The following POLN variants were observed in gnomAD, a reference collection of about 807,000 sequenced individuals.
The protein encoded by POLN is DNA polymerase nu, also known as DNA polymerase N.
In POLN, 108 loss-of-function variants were observed where a neutral mutation model predicts 113.5. The ratio of observed to expected loss-of-function variants is 0.95; its 90% CI spans 0.81 to 1.12. The LOEUF is 1.12. POLN is among the 50% of genes most tolerant of loss of function. The pLI, the probability that POLN is intolerant of heterozygous loss-of-function variation, is 0.00. For synonymous variants in POLN, 386 were observed against 391.5 expected, an observed-to-expected ratio of 0.99 and a Z score of 0.17; for missense variants, 1,097 against 1,077.1, an observed-to-expected ratio of 1.02 and a Z score of -0.26.
At chr4:2,163,027 C>CAAAAAAAAAAA (rs66769262) in intron 13 of POLN, among the ~76,000 whole-genome samples, 6 of 66,556 alleles carry the variant, frequency 9.0e-5, no homozygotes, top group African/African-American at 2.8e-4. Context: ...CAGTTCCTAC[C>CAAAAAAAAAAA]AAAAAAAAAA....
chr4:2,238,220 C>G (rs961162634), intron 2 of POLN, among the ~76,000 whole-genome samples: 1 of 152,104 alleles, frequency 6.6e-6, no homozygotes, highest in Non-Finnish European at 1.5e-5. Context: ...GTCTTCTCCC[C>G]TCTCTACTGC....
rs765729200 is a variant in POLN, at chr4:2,176,298, T to C, written c.1216A>G (p.Arg406Gly). The change falls in exon 9 of 26, where the codon AGA becomes GGA. Residue 406 changes from arginine to glycine, a missense_variant. By Grantham distance (125) the Arg-to-Gly change is moderately radical. Transcript: ENST00000511885. The part of the protein sequence containing the change: ...NVRENLKTLY[R>G]LTMDLCSKLK... ...TTAGAGCAAAGGTCCATTGTAAGTC[T>C]GTAGAGTGTCTTCAGGTTCTCACGT... 1.2e-6 allele frequency: 2 copies of C among 1,602,074 alleles called. No individual in the cohort carries two copies. Among genetic ancestry groups the C allele is most frequent in the Non-Finnish European group, 1.7e-6 (2 of 1,175,886 alleles).
Position 2,176,338 on chromosome 4 carries a change from TA to T in POLN, c.1180-5del. 1 of 1,584,946 alleles carries T rather than the reference TA, an allele frequency of 6.3e-7. No individual in the cohort carries two copies. On this transcript the variant is annotated splice_polypyrimidine_tract_variant and splice_region_variant and intron_variant, in intron 8 of 25. Transcript: ENST00000511885. ...GGTTCTCACGTACATTCTGATTCTT[TA>T]AAAGAGCAAAAGTATTTTTAAAAAT...
At chr4:2,241,487 G>A (rs1734986152) in intron 2 of POLN, 33 bp downstream of exon 2, 3 of 985,076 alleles carry the variant, frequency 3.0e-6, no homozygotes, top group South Asian at 9.4e-5. Flanking sequence ...AAATAAGCAT[G>A]GCACATCTTC....
intron 16 of POLN, among the ~76,000 whole-genome samples, chr4:2,151,980 G>C (rs948182601): frequency 2.0e-5 from 3 of 151,844 alleles, no homozygotes; most frequent in Non-Finnish European, 4.4e-5. Flanking sequence ...TTAGCTTTCT[G>C]AAAATACTGA....
rs563667455 is a variant in POLN, at chr4:2,217,862, T to A, written c.134-4736A>T. On this transcript the variant is annotated intron_variant, in intron 3 of 25. Transcript: ENST00000511885. ...ATGCTTTCCTATGCAGTATTCCCAA[T>A]GTGGAATATGCTGCCTCCACTCCCT... Among the ~76,000 whole-genome samples the A allele has an allele frequency of 2.0e-5, 3 of 152,362 alleles. No homozygotes were observed. In the South Asian group the frequency reaches 6.2e-4, roughly 32 times the overall value.
At chr4:2,240,952 T>C (rs1428368897) in intron 2 of POLN, 5 of 1,581,046 alleles carry the variant, frequency 3.2e-6, no homozygotes, top group African/African-American at 2.7e-5. Context: ...CTCATGGTTT[T>C]AACTACCCCA....
intron 19 of POLN, among the ~76,000 whole-genome samples, chr4:2,118,269 C>T (rs1413944801): frequency 6.6e-6 from 1 of 152,208 alleles, no homozygotes; most frequent in African/African-American, 2.4e-5. Context: ...ATTGAGGCCA[C>T]ATCTTTGATT....
intron 5 of POLN, among the ~76,000 whole-genome samples, chr4:2,200,942 C>T (rs558500211): frequency 1.8e-4 from 27 of 152,024 alleles, no homozygotes; most frequent in African/African-American, 6.3e-4. Flanking sequence ...AAAGGCAAAG[C>T]CCAGTTTAAG....
At chr4:2,073,130 C>G in intron 24 of POLN, 101 bp from the exon 25 acceptor site, 5 of 1,140,342 alleles carry the variant, frequency 4.4e-6, no homozygotes, top group Non-Finnish European at 6.4e-6. Flanking sequence ...GCCCCGGCCC[C>G]TGAGCCCCCT....
At chr4:2,121,698 C>T (rs1161764958) in intron 19 of POLN, among the ~76,000 whole-genome samples, 1 of 151,920 alleles carries the variant, frequency 6.6e-6, no homozygotes, top group African/African-American at 2.4e-5. Flanking sequence ...TCTCCTATTT[C>T]ATTCCTGATA....
At position 2,089,768 on chromosome 4, in the gene POLN, G is replaced by T. The variant is rs556041691; in HGVS notation, c.2066-4024C>A. On this transcript the variant is annotated intron_variant, in intron 20 of 25. Coordinates refer to ENST00000511885, the MANE Select transcript of POLN (RefSeq NM_181808.4). ...TTTATCATTATGGACTTTAAATCTG[G>T]TATTTCTTTGAATGCAGAATCATCT... The T allele has an allele frequency of 1.9e-4, 137 of 726,278 alleles. No individual in the cohort carries two copies. The South Asian group carries it at 2.4e-3, about 12-fold the overall frequency. The allele number at this position is 726,278 out of a possible 1,614,324, so 45.0% of individuals were successfully genotyped here.
At chr4:2,207,544 C>T (rs903223923) in intron 5 of POLN, among the ~76,000 whole-genome samples, 1 of 151,774 alleles carries the variant, frequency 6.6e-6, no homozygotes, top group African/African-American at 2.4e-5. Flanking sequence ...GAATAAAACA[C>T]AAATAACCCA....
chr4:2,156,998 A>G, intron 15 of POLN, 145 bp from the exon 16 acceptor site: 1 of 679,088 alleles, frequency 1.5e-6, no homozygotes, highest in Non-Finnish European at 2.6e-6. Context: ...CAACCCTGAA[A>G]TGTCCTTGGG....
chr4:2,115,764 A>C (rs1189372908), intron 19 of POLN, among the ~76,000 whole-genome samples: 7 of 152,226 alleles, frequency 4.6e-5, no homozygotes, highest in Non-Finnish European at 1.0e-4. Context: ...TCTGACCCGT[A>C]ACTGGGCTGG....
At chr4:2,178,758 C>A (rs1378814224) in intron 8 of POLN, among the ~76,000 whole-genome samples, 1 of 152,202 alleles carries the variant, frequency 6.6e-6, no homozygotes, top group Middle Eastern at 3.4e-3. Context: ...ACTACAGGCA[C>A]CTGCCACCAT....
Position 2,198,684 on chromosome 4 carries a change from ACAC to A in POLN, c.745_747del (p.Val249del). ...CCACCCTCTGCTTGGCGTTTTACTA[ACAC>A]CACAATTCCTCTAACAGAAGAAACG... On this transcript the variant is annotated inframe_deletion, in exon 6 of 26. Transcript: ENST00000511885. 6.2e-7 allele frequency: 1 copy of A among 1,612,302 alleles called. No homozygotes were observed. Among genetic ancestry groups the A allele is most frequent in the South Asian group, 1.1e-5 (1 of 90,726 alleles).
rs754571750 is a variant in POLN, at chr4:2,156,879, T to C, written c.1666-26A>G. 16 of 1,564,242 alleles carry C rather than the reference T, an allele frequency of 1.0e-5. No homozygotes were observed. The Admixed American group carries it at 2.3e-4, about 23-fold the overall frequency. On this transcript the variant is annotated intron_variant, in intron 15 of 25. Transcript: ENST00000511885. Reference sequence around the variant, plus strand: ...CTTTATTAGTTAAAAAGAATCAGTGTAAACTCCAGCAATGCTATGTGAAGT... The same window carrying C: ...CTTTATTAGTTAAAAAGAATCAGTGCAAACTCCAGCAATGCTATGTGAAGT...
In POLN at chr4:2,091,802, C is replaced by T. The variant is rs150894091; in HGVS notation, c.2065+4049G>A. Among the ~76,000 whole-genome samples, 55 of 126,152 alleles carry T rather than the reference C, an allele frequency of 4.4e-4. No individual in the cohort carries two copies. The South Asian group carries it at 4.7e-3, about 11-fold the overall frequency. 82.8% of individuals were successfully genotyped at this position (126,152 alleles called of 152,430 possible). The stretch of plus-strand genomic sequence containing the variant: ...GTGTGTGTGTGTGTGTGTGTGTGTG[C>T]GCGCGCTACAATTTGACGTTTAGCA... On this transcript the variant is annotated intron_variant, in intron 20 of 25. Transcript: ENST00000511885.
Sources: allele counts gnomAD v4.1 joint callset (sites outside exome capture counted in the v4.1 genomes callset), GRCh38; gene constraint gnomAD v4.1.1; transcripts MANE v1.5; gene names NCBI Gene and HGNC (gene_info 2026-07-23, HGNC 2026-07-21).